The following IL12RB2 variants were observed in gnomAD, a reference collection of about 807,000 sequenced individuals.
IL12RB2 encodes the protein interleukin-12 receptor subunit beta-2.
Under a neutral mutation model 89.4 loss-of-function variants are expected in IL12RB2, and 82 were observed. The observed-to-expected ratio is 0.92, with a 90% confidence interval of 0.77 to 1.10. The LOEUF (loss-of-function observed/expected upper bound fraction) is 1.10. Ranked by LOEUF, IL12RB2 falls within the 50% of genes least tolerant of loss-of-function variation. The probability of loss-of-function intolerance (pLI) is 0.00; values close to 1 mark genes in which losing one functional copy is unlikely to be tolerated. For missense variants in IL12RB2, 963 were observed against 1,031.9 expected, an observed-to-expected ratio of 0.93 and a Z score of 0.92; for synonymous variants, 368 against 370.1, an observed-to-expected ratio of 0.99 and a Z score of 0.07.
intron 13 of IL12RB2, 127 bp downstream of exon 13, chr1:67,372,910 A>G: frequency 1.3e-6 from 1 of 751,400 alleles, no homozygotes. Context: ...TAAGTACTCC[A>G]TAAATACTTG....
intron 10 of IL12RB2, among the ~76,000 whole-genome samples, chr1:67,352,070 T>C (rs920560556): frequency 2.0e-5 from 3 of 152,354 alleles, no homozygotes; most frequent in Middle Eastern, 3.4e-3. Context: ...CTGTTAAATC[T>C]TGGTTATATA....
At chr1:67,340,475 T>C (rs917425707) in intron 9 of IL12RB2, among the ~76,000 whole-genome samples, 1 of 152,238 alleles carries the variant, frequency 6.6e-6, no homozygotes, top group Non-Finnish European at 1.5e-5. Context: ...CGTGTTAATC[T>C]ATTCCACGCC....
Position 67,360,620 on chromosome 1 carries a change from AC to A in IL12RB2, c.1259-7202del, listed in dbSNP as rs1396919271. Among the ~76,000 whole-genome samples, 3 of 151,532 alleles carry A rather than the reference AC, an allele frequency of 2.0e-5. 1 individual carries two copies. Among genetic ancestry groups the A allele is most frequent in the Admixed American group, 1.3e-4 (2 of 15,194 alleles). ...AGACCAGCCTGGCCAACATGGCAAA[AC>A]CCTGTCTCTACTAAAAATACAAAAA... On this transcript the variant is annotated intron_variant, in intron 10 of 16. Transcript: ENST00000674203.
chr1:67,337,269 C>T (rs1658893681), intron 8 of IL12RB2, among the ~76,000 whole-genome samples: 1 of 152,072 alleles, frequency 6.6e-6, no homozygotes, highest in South Asian at 2.1e-4. Context: ...AGGAAAAAAC[C>T]CCAGCGCAGC....
chr1:67,338,644 G>A lies in IL12RB2; in HGVS notation c.979G>A (p.Val327Ile). The change falls in exon 9 of 17, where the codon GTC (valine) becomes ATC (isoleucine). Residue 327 changes from valine to isoleucine, a missense_variant. Transcript: ENST00000674203. ...PEEEPTGMLD[V>I]WYMKRHIDYS... ...AACAGAGCCTACTGGGATGTTAGAT[G>A]TCTGGTACATGAAACGGCACATTGA... The A allele has an allele frequency of 6.5e-7, 1 of 1,531,242 alleles. No homozygotes were observed. Among genetic ancestry groups the A allele is most frequent in the Non-Finnish European group, 9.1e-7 (1 of 1,104,212 alleles). 94.9% of individuals were successfully genotyped at this position (1,531,242 alleles called of 1,614,324 possible).
intron 6 of IL12RB2, 115 bp downstream of exon 6, chr1:67,328,499 G>C: frequency 3.2e-6 from 5 of 1,559,722 alleles, no homozygotes; most frequent in Non-Finnish European, 4.3e-6. Flanking sequence ...TGGCCAACAG[G>C]CATAAGCAAA....
intron 13 of IL12RB2, among the ~76,000 whole-genome samples, chr1:67,374,498 C>T (rs188696850): frequency 2.8e-5 from 4 of 144,646 alleles, no homozygotes; most frequent in Admixed American, 7.0e-5. Context: ...TTTTTTCATA[C>T]GGAGTCTTGC....
intron 7 of IL12RB2, 98 bp from the exon 8 acceptor site, chr1:67,330,562 T>G (rs1053090917): frequency 2.3e-5 from 16 of 682,894 alleles, no homozygotes; most frequent in Non-Finnish European, 4.1e-5. Context: ...ACAAATAAGA[T>G]CAAATAGCCT....
At chr1:67,363,608 T>C (rs911527635) in intron 10 of IL12RB2, among the ~76,000 whole-genome samples, 12 of 152,358 alleles carry the variant, frequency 7.9e-5, no homozygotes, top group African/African-American at 2.9e-4. Context: ...TTGTGTATTA[T>C]AAATGCTTAT....
rs1028494233 is a variant in IL12RB2 at position 67,397,846 on chromosome 1, T to G, written c.*1757T>G. ...TCTGGATTTTCATTTAACAAAGTAC[T>G]TGTTGTAAATGTGTACTTCTTGCCT... On this transcript the variant is annotated 3_prime_UTR_variant, in exon 17 of 17. Transcript: ENST00000674203. Among the ~76,000 whole-genome samples the G allele has an allele frequency of 3.9e-5, 6 of 152,172 alleles. No individual in the cohort carries two copies. Among genetic ancestry groups the G allele is most frequent in the African/African-American group, 1.2e-4 (5 of 41,426 alleles).
intron 8 of IL12RB2, among the ~76,000 whole-genome samples, chr1:67,335,723 T>C (rs1017992858): frequency 2.0e-5 from 3 of 152,316 alleles, no homozygotes; most frequent in South Asian, 4.1e-4. Context: ...TCTGTGACAG[T>C]TGAATGTCAA....
chr1:67,379,856 C>A, intron 13 of IL12RB2, 130 bp from the exon 14 acceptor site: 1 of 757,642 alleles, frequency 1.3e-6, no homozygotes, highest in Non-Finnish European at 2.3e-6. Context: ...GGAATTTGGA[C>A]TATTTTAAAA....
At chr1:67,349,247 C>T (rs1012827740) in intron 9 of IL12RB2, among the ~76,000 whole-genome samples, 1 of 152,118 alleles carries the variant, frequency 6.6e-6, no homozygotes, top group Admixed American at 6.6e-5. Flanking sequence ...CCTCTTGGGT[C>T]CCTGGCCAGA....
In IL12RB2 at chr1:67,351,107, T is replaced by C; in HGVS notation, c.1258+18T>C. The C allele has an allele frequency of 6.2e-7, 1 of 1,611,436 alleles. No homozygotes were observed. The highest frequency in any genetic ancestry group is 8.5e-7 in the Non-Finnish European group (1 of 1,179,486). On this transcript the variant is annotated intron_variant, in intron 10 of 16. Coordinates refer to ENST00000674203, the MANE Select transcript of IL12RB2 (RefSeq NM_001374259.2). ...TGAGGCAGGTAAGTTCTAATTTTTC[T>C]TTAACATTGCCTGTGGAAAACTGTG...
At chr1:67,368,139 G>A in intron 11 of IL12RB2, 114 bp downstream of exon 11, 1 of 732,064 alleles carries the variant, frequency 1.4e-6, no homozygotes, top group South Asian at 1.5e-5. Context: ...CATGATGAGA[G>A]AGACTGATGA....
intron 4 of IL12RB2, 68 bp from the exon 5 acceptor site, chr1:67,326,667 C>T (rs942420480): frequency 1.5e-4 from 241 of 1,580,372 alleles, no homozygotes; most frequent in Non-Finnish European, 2.0e-4. Context: ...ATGTTGATGG[C>T]AGATAATAAC....
At position 67,353,400 on chromosome 1, in the gene IL12RB2, C is replaced by CA. The variant is rs375849734; in HGVS notation, c.1258+2320dup. On this transcript the variant is annotated intron_variant, in intron 10 of 16. Coordinates refer to ENST00000674203, the MANE Select transcript of IL12RB2 (RefSeq NM_001374259.2). ...CCAGGCCAACATAAGGAAAAAGATA[C>CA]AAAAAAAAATAAAAATAAGATTAGT... 2.3e-3 allele frequency among the ~76,000 whole-genome samples: 344 copies of CA among 150,780 alleles called. 1 individual carries two copies. The highest frequency in any genetic ancestry group is 9.0e-3 in the South Asian group (43 of 4,776).
intron 10 of IL12RB2, among the ~76,000 whole-genome samples, chr1:67,355,428 A>G (rs1489792861): frequency 6.6e-6 from 1 of 151,422 alleles, no homozygotes; most frequent in African/African-American, 2.4e-5. Context: ...AAAAGAAAAA[A>G]AAAAAAAAAA....
intron 16 of IL12RB2, among the ~76,000 whole-genome samples, chr1:67,392,977 T>C: frequency 6.6e-6 from 1 of 152,118 alleles, no homozygotes; most frequent in East Asian, 1.9e-4. Context: ...AAATAACCAG[T>C]GAATTAGAAA....
Sources: allele counts gnomAD v4.1 joint callset (sites outside exome capture counted in the v4.1 genomes callset), GRCh38; gene constraint gnomAD v4.1.1; transcripts MANE v1.5; gene names NCBI Gene and HGNC (gene_info 2026-07-23, HGNC 2026-07-21).